PDE3B: variants seen among roughly 807,000 people sequenced by gnomAD.
PDE3B encodes cGMP-inhibited 3',5'-cyclic phosphodiesterase 3B.
In PDE3B, 66 loss-of-function variants were observed where a neutral mutation model predicts 116.8. The ratio of observed to expected loss-of-function variants is 0.56; its 90% CI spans 0.46 to 0.69. The LOEUF (loss-of-function observed/expected upper bound fraction) is 0.69. Ranked by LOEUF, PDE3B falls within the 30% of genes least tolerant of loss-of-function variation. PDE3B has a pLI of 0.00. For missense variants in PDE3B, 1,384 were observed against 1,368.1 expected (o/e 1.01, Z -0.18); for synonymous variants, 595 against 533.6 (o/e 1.12, Z -1.59).
intron 2 of PDE3B, among the ~76,000 whole-genome samples, chr11:14,777,856 A>C (rs1015179971): frequency 6.6e-6 from 1 of 152,158 alleles, no homozygotes; most frequent in African/African-American, 2.4e-5. Context: ...AGGGTGAGGC[A>C]TCACCTCACC....
chr11:14,834,875 T>G (rs754863371), intron 10 of PDE3B, 107 bp from the exon 11 acceptor site: 8 of 520,784 alleles, frequency 1.5e-5, no homozygotes, highest in Non-Finnish European at 2.8e-5. Flanking sequence ...TTGTGGGGAA[T>G]TAGTCTGTCA....
At chr11:14,659,367 C>A (rs1853817222) in intron 1 of PDE3B, among the ~76,000 whole-genome samples, 1 of 152,176 alleles carries the variant, frequency 6.6e-6, no homozygotes, top group Admixed American at 6.5e-5. Context: ...AGAACATTTT[C>A]AGTGCTTAGA....
At chr11:14,700,602 A>G (rs1855334213) in intron 1 of PDE3B, 1 of 151,808 alleles carries the variant, frequency 6.6e-6, no homozygotes, top group Admixed American at 6.6e-5. Context: ...AAGGTTACTT[A>G]AATTTCAAAT....
intron 2 of PDE3B, chr11:14,775,840 T>C (rs1263260081): frequency 6.6e-6 from 1 of 152,304 alleles, no homozygotes; most frequent in Non-Finnish European, 1.5e-5. Context: ...CTTGGCCATT[T>C]TGTCTGTATT....
intron 1 of PDE3B, among the ~76,000 whole-genome samples, chr11:14,766,802 A>G (rs941372091): frequency 4.0e-5 from 6 of 151,714 alleles, no homozygotes; most frequent in African/African-American, 1.4e-4. Context: ...TTCCCAGTCT[A>G]TATCATAGTT....
At chr11:14,833,772 A>T (rs909753382) in intron 10 of PDE3B, among the ~76,000 whole-genome samples, 30 of 152,190 alleles carry the variant, frequency 2.0e-4, no homozygotes, top group African/African-American at 7.2e-4. Flanking sequence ...CTCACTAATA[A>T]TGTTTAATAA....
chr11:14,861,316 G>A lies in PDE3B; in HGVS notation c.2836G>A (p.Asp946Asn). ...ADINGPAKVR[D>N]LHLKWTEGIV... ...TATAAATGGCCCAGCAAAAGTTCGA[G>A]ACTTGCATTTGAAATGGACAGAAGG... is the stretch of plus-strand genomic sequence containing the variant. Residue 946 changes from aspartate to asparagine, a missense_variant, in exon 14 of 16, where the codon GAC becomes AAC. Coordinates refer to ENST00000282096, the MANE Select transcript of PDE3B (RefSeq NM_000922.4). The A allele has an allele frequency of 6.2e-7, 1 of 1,613,866 alleles. No individual in the cohort carries two copies. The highest frequency in any genetic ancestry group is 1.1e-5 in the South Asian group (1 of 91,058).
chr11:14,698,020 A>G (rs570422156), intron 1 of PDE3B, among the ~76,000 whole-genome samples: 107 of 152,088 alleles, frequency 7.0e-4, no homozygotes, highest in African/African-American at 2.6e-3. Flanking sequence ...AACCTTTAGT[A>G]TAATGTTGAA....
At position 14,870,718 on chromosome 11, in the gene PDE3B, G is replaced by C. The variant is rs1214529393; in HGVS notation, c.*1058G>C. 6.6e-6 allele frequency: 1 copy of C among 152,080 alleles called. No individual in the cohort carries two copies. The highest frequency in any genetic ancestry group is 6.6e-5 in the Admixed American group (1 of 15,266). 9.4% of individuals were successfully genotyped at this position (152,080 alleles called of 1,614,324 possible). A position where few individuals can be genotyped will look rare whatever the true frequency, so the allele number is the denominator to read the frequency against. ...TTCTGTTAATTTCCCTCTGCCTAAA[G>C]ACTACATGACAGAAATGACCTATCA... On this transcript the variant is annotated 3_prime_UTR_variant, in exon 16 of 16. Coordinates refer to ENST00000282096, the MANE Select transcript of PDE3B (RefSeq NM_000922.4). The surrounding 1 kb of genome is among the most constrained non-coding windows in gnomAD (Gnocchi z 4.1).
intron 4 of PDE3B, among the ~76,000 whole-genome samples, chr11:14,792,355 A>C (rs1324165110): frequency 6.6e-6 from 1 of 152,196 alleles, no homozygotes; most frequent in Non-Finnish European, 1.5e-5. Context: ...ATTAAGCTAA[A>C]TTATGTTTCA....
At chr11:14,856,425 TA>T (rs1475154323) in intron 12 of PDE3B, among the ~76,000 whole-genome samples, 1 of 152,150 alleles carries the variant, frequency 6.6e-6, no homozygotes, top group Non-Finnish European at 1.5e-5. Context: ...CTTTACCCTA[TA>T]AAAAAACAAC....
intron 1 of PDE3B, among the ~76,000 whole-genome samples, chr11:14,655,982 ATTTTCT>A (rs1853706893): frequency 6.6e-6 from 1 of 152,148 alleles, no homozygotes; most frequent in South Asian, 2.1e-4. Context: ...GAGAAGAGAC[ATTTTCT>A]TTATTTAGTT....
chr11:14,782,452 A>T (rs1049645705), intron 2 of PDE3B, among the ~76,000 whole-genome samples: 1 of 152,146 alleles, frequency 6.6e-6, no homozygotes, highest in African/African-American at 2.4e-5. Flanking sequence ...CAGAAATAGT[A>T]CCACACATCC....
At chr11:14,771,828 C>T in intron 1 of PDE3B, 109 bp from the exon 2 acceptor site, 1 of 424,528 alleles carries the variant, frequency 2.4e-6, no homozygotes, top group South Asian at 7.3e-5. Flanking sequence ...ATATCTCTTC[C>T]AGATTTTGAG....
chr11:14,667,730 C>G (rs1022136656), intron 1 of PDE3B, among the ~76,000 whole-genome samples: 2 of 151,460 alleles, frequency 1.3e-5, no homozygotes, highest in East Asian at 3.9e-4. Context: ...GGAGATATAC[C>G]TAATGCTAAA....
At chr11:14,672,652 A>G (rs984523725) in intron 1 of PDE3B, among the ~76,000 whole-genome samples, 2 of 152,118 alleles carry the variant, frequency 1.3e-5, no homozygotes, top group Non-Finnish European at 2.9e-5. Flanking sequence ...TCCTTCCTTT[A>G]TGTTGCTCTG....
At chr11:14,827,424 C>T (rs1859733956) in intron 7 of PDE3B, among the ~76,000 whole-genome samples, 1 of 152,140 alleles carries the variant, frequency 6.6e-6, no homozygotes. Context: ...ACCCCGAAGT[C>T]TCGGCCCGAA....
chr11:14,794,466 A>G lies in PDE3B; in HGVS notation c.1415+5224A>G, dbSNP rs145334306. Among the ~76,000 whole-genome samples the G allele has an allele frequency of 2.1e-3, 318 of 152,178 alleles. 3 individuals carry two copies. Among genetic ancestry groups the G allele is most frequent in the Middle Eastern group, 0.014 (4 of 292 alleles). ...GTAGTTGGGACTACAGGCACATGCC[A>G]CCATGCCCAGCTAATTTTTGTATTT... On this transcript the variant is annotated intron_variant, in intron 4 of 15. Transcript: ENST00000282096.
chr11:14,780,649 G>T (rs1857961737), intron 2 of PDE3B, among the ~76,000 whole-genome samples: 3 of 152,078 alleles, frequency 2.0e-5, no homozygotes, highest in Admixed American at 1.3e-4. Context: ...CAGAATCTCT[G>T]GGACACATTT....
Sources: allele counts gnomAD v4.1 joint callset (sites outside exome capture counted in the v4.1 genomes callset), GRCh38; gene constraint gnomAD v4.1.1; non-coding constraint Gnocchi (gnomAD v3.1); transcripts MANE v1.5; gene names NCBI Gene and HGNC (gene_info 2026-07-23, HGNC 2026-07-21).